The following DERA variants were observed in gnomAD, a reference collection of about 807,000 sequenced individuals.
DERA encodes deoxyribose-phosphate aldolase, also known as 2-deoxy-D-ribose 5-phosphate aldolase.
In DERA, 15 loss-of-function variants were observed where a neutral mutation model predicts 41.1. The ratio of observed to expected loss-of-function variants is 0.37; its 90% CI spans 0.24 to 0.56. The LOEUF (loss-of-function observed/expected upper bound fraction) is 0.56. DERA is among the 20% of genes least tolerant of loss of function. The pLI is 0.81. For missense variants in DERA, 396 were observed against 403.4 expected (o/e 0.98, Z 0.16); for synonymous variants, 139 against 137.4 (o/e 1.01, Z -0.08).
At chr12:15,942,832 CA>C (rs1243759451) in intron 1 of DERA, among the ~76,000 whole-genome samples, 1 of 152,132 alleles carries the variant, frequency 6.6e-6, no homozygotes, top group Non-Finnish European at 1.5e-5. Context: ...TGGAGTCTCC[CA>C]AATGCATCTT....
chr12:15,992,803 T>G lies in DERA; in HGVS notation c.637+10367T>G, dbSNP rs781520344. ...GTAGAAAAGTGGCTTTATCTTTCAG[T>G]AGCGGTGGACTGTTCGCACACACTC... On this transcript the variant is annotated intron_variant, in intron 6 of 8. Coordinates refer to ENST00000428559, the MANE Select transcript of DERA (RefSeq NM_015954.4). The surrounding 1 kb of genome is among the most constrained non-coding windows in gnomAD (Gnocchi z 4.3). Among the ~76,000 whole-genome samples the G allele has an allele frequency of 6.6e-6, 1 of 152,210 alleles. No individual in the cohort carries two copies.
At chr12:15,952,892 A>G (rs558307177) in intron 1 of DERA, among the ~76,000 whole-genome samples, 2 of 152,246 alleles carry the variant, frequency 1.3e-5, no homozygotes, top group East Asian at 3.9e-4. Context: ...CAGCCCCACA[A>G]ACTTGCAGTG....
At chr12:15,942,534 G>A (rs1266637620) in intron 1 of DERA, among the ~76,000 whole-genome samples, 1 of 152,138 alleles carries the variant, frequency 6.6e-6, no homozygotes, top group Non-Finnish European at 1.5e-5. Flanking sequence ...GATGATTTTT[G>A]TATAAGGCAA....
chr12:16,032,923 G>A, intron 7 of DERA: 1 of 339,192 alleles, frequency 2.9e-6, no homozygotes, highest in Non-Finnish European at 5.4e-6. Context: ...AGACAATTTT[G>A]TCACTGACAA....
At position 15,943,458 on chromosome 12, in the gene DERA, A is replaced by G. The variant is rs548540459; in HGVS notation, c.32-13478A>G. On this transcript the variant is annotated intron_variant, in intron 1 of 8. Coordinates refer to ENST00000428559, the MANE Select transcript of DERA (RefSeq NM_015954.4). The surrounding 1 kb of genome is among the most constrained non-coding windows in gnomAD (Gnocchi z 4.5). ...CAGATCATTTCAGCCCTTGCTGAAA[A>G]TTCTCTAAAAGACTTCCCATCTCAC... 6.6e-6 allele frequency among the ~76,000 whole-genome samples: 1 copy of G among 152,270 alleles called. No individual in the cohort carries two copies. The highest frequency in any genetic ancestry group is 6.5e-5 in the Admixed American group (1 of 15,292).
intron 6 of DERA, among the ~76,000 whole-genome samples, chr12:15,997,107 A>G (rs1045908733): frequency 3.3e-5 from 5 of 152,216 alleles, no homozygotes; most frequent in Non-Finnish European, 1.5e-5. Flanking sequence ...ACTTTGTAAT[A>G]AAAATACAGA....
Position 15,913,997 on chromosome 12 carries a change from ATGCAGGTGTCACG to A in DERA, c.31+2586_31+2598del, listed in dbSNP as rs908998213. Among the ~76,000 whole-genome samples, 1 of 152,214 alleles carries A rather than the reference ATGCAGGTGTCACG, an allele frequency of 6.6e-6. No individual in the cohort carries two copies. The highest frequency in any genetic ancestry group is 2.4e-5 in the African/African-American group (1 of 41,460). ...AGATGCCACTTAACTATTGCCTAAA[ATGCAGGTGTCACG>A]TGGGTAGTGATCTTTCTTTTGTTCA... On this transcript the variant is annotated intron_variant, in intron 1 of 8. Coordinates refer to ENST00000428559, the MANE Select transcript of DERA (RefSeq NM_015954.4). The surrounding 1 kb of genome is among the most constrained non-coding windows in gnomAD (Gnocchi z 4.5).
rs920724840 is a variant in DERA at position 16,008,633 on chromosome 12, C to T, written c.638-23909C>T. The stretch of plus-strand genomic sequence containing the variant: ...CCACAGATAGCACGGAACATGATAA[C>T]GGTGGCTTAAATTGTTTTTTCTTGT... On this transcript the variant is annotated intron_variant, in intron 6 of 8. Transcript: ENST00000428559. This position sits in a 1 kb window ranked among gnomAD's most constrained non-coding sequence, Gnocchi z 4.8. Among the ~76,000 whole-genome samples the T allele has an allele frequency of 6.6e-6, 1 of 152,182 alleles. No individual in the cohort carries two copies. The highest frequency in any genetic ancestry group is 1.5e-5 in the Non-Finnish European group (1 of 68,036).
chr12:16,031,906 A>G (rs1949095042), intron 6 of DERA, among the ~76,000 whole-genome samples: 1 of 152,226 alleles, frequency 6.6e-6, no homozygotes, highest in South Asian at 2.1e-4. Context: ...AACTACTGTG[A>G]TCATTTCTTT....
rs1948178209 is a variant in DERA at position 15,913,447 on chromosome 12, A to G, written c.31+2033A>G. ...AATTTATGCAGTATATTAACTGATG[A>G]TTTTTAAAATAGTTTTCTAATTGAA... On this transcript the variant is annotated intron_variant, in intron 1 of 8. Coordinates refer to ENST00000428559, the MANE Select transcript of DERA (RefSeq NM_015954.4). The surrounding 1 kb of genome is among the most constrained non-coding windows in gnomAD (Gnocchi z 4.5). 6.6e-6 allele frequency among the ~76,000 whole-genome samples: 1 copy of G among 152,222 alleles called. No homozygotes were observed. The highest frequency in any genetic ancestry group is 2.4e-5 in the African/African-American group (1 of 41,462).
At chr12:16,031,189 C>T (rs989351801) in intron 6 of DERA, among the ~76,000 whole-genome samples, 11 of 152,242 alleles carry the variant, frequency 7.2e-5, no homozygotes, top group African/African-American at 2.7e-4. Context: ...ACCAGATCTC[C>T]TGACTTCTAG....
At chr12:15,977,955 C>T (rs1439356238) in intron 5 of DERA, among the ~76,000 whole-genome samples, 2 of 152,184 alleles carry the variant, frequency 1.3e-5, no homozygotes, top group Non-Finnish European at 2.9e-5. Flanking sequence ...TATTGCTTCA[C>T]TTGTAATTTC....
chr12:15,936,639 T>C lies in DERA; in HGVS notation c.32-20297T>C, dbSNP rs981264598. On this transcript the variant is annotated intron_variant, in intron 1 of 8. Coordinates refer to ENST00000428559, the MANE Select transcript of DERA (RefSeq NM_015954.4). This position sits in a 1 kb window ranked among gnomAD's most constrained non-coding sequence, Gnocchi z 4.6. ...TAAATTTGTTCAGTTGTCCCCAAAA[T>C]GTAATGTATTTTATAGCTGGTTAAT... Among the ~76,000 whole-genome samples the C allele has an allele frequency of 6.6e-6, 1 of 152,190 alleles. No homozygotes were observed. The highest frequency in any genetic ancestry group is 2.4e-5 in the African/African-American group (1 of 41,454).
chr12:16,024,476 G>A (rs541541350), intron 6 of DERA, among the ~76,000 whole-genome samples: 12 of 152,306 alleles, frequency 7.9e-5, no homozygotes, highest in African/African-American at 2.4e-4. Flanking sequence ...ACATGTCAGC[G>A]TGGAGTGAAA....
intron 5 of DERA, among the ~76,000 whole-genome samples, chr12:15,973,713 TA>T (rs1465163885): frequency 1.3e-5 from 2 of 152,128 alleles, no homozygotes; most frequent in Non-Finnish European, 2.9e-5. Context: ...CAGCCATTAA[TA>T]ATTGCTCCAT....
At position 15,999,197 on chromosome 12, in the gene DERA, G is replaced by C. The variant is rs910435345; in HGVS notation, c.637+16761G>C. Among the ~76,000 whole-genome samples, 1 of 152,198 alleles carries C rather than the reference G, an allele frequency of 6.6e-6. No homozygotes were observed. The highest frequency in any genetic ancestry group is 2.4e-5 in the African/African-American group (1 of 41,514). ...AGGGTTCTCTGCCATCAGTACCTGGGGATATTTCTTTCCCTCGAATGGGTT... is the reference window on the plus strand; with the variant it reads ...AGGGTTCTCTGCCATCAGTACCTGGCGATATTTCTTTCCCTCGAATGGGTT... On this transcript the variant is annotated intron_variant, in intron 6 of 8. Transcript: ENST00000428559. This position sits in a 1 kb window ranked among gnomAD's most constrained non-coding sequence, Gnocchi z 5.3.
chr12:15,988,052 A>G lies in DERA; in HGVS notation c.637+5616A>G, dbSNP rs1461607694. On this transcript the variant is annotated intron_variant, in intron 6 of 8. Transcript: ENST00000428559. The surrounding 1 kb of genome is among the most constrained non-coding windows in gnomAD (Gnocchi z 6.0). ...ACAAGCAGCTTCTGCTGTGGGCACC[A>G]GCATCTGGACAAGGGGAACACATGG... is the stretch of plus-strand genomic sequence containing the variant. 6.6e-6 allele frequency among the ~76,000 whole-genome samples: 1 copy of G among 152,188 alleles called. No homozygotes were observed. The highest frequency in any genetic ancestry group is 2.4e-5 in the African/African-American group (1 of 41,450).
rs546028318 is a variant in DERA at position 16,035,341 on chromosome 12, C to T, written c.751-891C>T. Among the ~76,000 whole-genome samples, 11 of 152,154 alleles carry T rather than the reference C, an allele frequency of 7.2e-5. No homozygotes were observed. Among genetic ancestry groups the T allele is most frequent in the African/African-American group, 2.4e-4 (10 of 41,502 alleles). On this transcript the variant is annotated intron_variant, in intron 7 of 8. Transcript: ENST00000428559. The surrounding 1 kb of genome is among the most constrained non-coding windows in gnomAD (Gnocchi z 4.1). ...ATCTGCTGGTGCAACCAGTCATAGC[C>T]CTGAGTGATAAAACGTGAGAGATTT...
At position 15,940,378 on chromosome 12, in the gene DERA, GT is replaced by G. The variant is rs1441929731; in HGVS notation, c.32-16557del. Among the ~76,000 whole-genome samples, 2 of 151,930 alleles carry G rather than the reference GT, an allele frequency of 1.3e-5. No individual in the cohort carries two copies. Among genetic ancestry groups the G allele is most frequent in the Non-Finnish European group, 2.9e-5 (2 of 68,004 alleles). ...TTATTATTTTTTTATTTGAGATGGA[GT>G]CTGGCTCTGTTACACAGGCTGGAGT... On this transcript the variant is annotated intron_variant, in intron 1 of 8. Coordinates refer to ENST00000428559, the MANE Select transcript of DERA (RefSeq NM_015954.4). The surrounding 1 kb of genome is among the most constrained non-coding windows in gnomAD (Gnocchi z 5.1).
Sources: allele counts gnomAD v4.1 joint callset (sites outside exome capture counted in the v4.1 genomes callset), GRCh38; gene constraint gnomAD v4.1.1; non-coding constraint Gnocchi (gnomAD v3.1); transcripts MANE v1.5; gene names NCBI Gene and HGNC (gene_info 2026-07-23, HGNC 2026-07-21).